DIAPH2: variants seen among roughly 807,000 people sequenced by gnomAD.
DIAPH2 encodes protein diaphanous homolog 2.
A neutral mutation model predicts 92.7 loss-of-function variants in DIAPH2; 35 were observed. That is an observed-to-expected ratio of 0.38 (90% confidence interval 0.29 to 0.50). The LOEUF (loss-of-function observed/expected upper bound fraction) is 0.50. Among genes scored for constraint, DIAPH2 ranks in the 20% least tolerant of loss-of-function variants. DIAPH2 has a pLI of 0.94. For synonymous variants in DIAPH2, 301 were observed against 280.4 expected, an observed-to-expected ratio of 1.07 and a Z score of -0.73; for missense variants, 701 against 819.5, an observed-to-expected ratio of 0.86 and a Z score of 1.77.
intron 25 of DIAPH2, among the ~76,000 whole-genome samples, chrX:97,402,753 GA>G (rs1291451332): frequency 8.6e-4 from 96 of 112,257 alleles, no homozygotes; most frequent in African/African-American, 3.0e-3. Flanking sequence ...GCCTCTAACG[GA>G]AGTGACTTAA....
rs368157648 is a variant in DIAPH2 at position 96,939,810 on chromosome X, G to A, written c.1325+428G>A. Among the ~76,000 whole-genome samples the A allele has an allele frequency of 1.2e-4, 10 of 80,324 alleles. 1 individual carries two copies. Among genetic ancestry groups the A allele is most frequent in the East Asian group, 6.8e-4 (2 of 2,944 alleles). The allele number at this position is 80,324 out of a possible 115,157, so 69.8% of individuals were successfully genotyped here. A position where few individuals can be genotyped will look rare whatever the true frequency, so the allele number is the denominator to read the frequency against. On this transcript the variant is annotated intron_variant, in intron 12 of 26. Transcript: ENST00000324765. ...CTCCCGTGTAGCTGGGACTACAGGC[G>A]CGCGCCACCATGCCCGGCTAATTTT...
chrX:97,031,560 G>A (rs2066374709), intron 17 of DIAPH2, among the ~76,000 whole-genome samples: 1 of 111,420 alleles, frequency 9.0e-6, no homozygotes, highest in African/African-American at 3.3e-5. Flanking sequence ...TTAATTGCAA[G>A]TGCTAGTTGT....
At chrX:96,801,570 G>A (rs189581501) in intron 4 of DIAPH2, among the ~76,000 whole-genome samples, 16 of 111,346 alleles carry the variant, frequency 1.4e-4, no homozygotes, top group African/African-American at 4.2e-4. Context: ...AATGGATTTT[G>A]TATTACTGTC....
chrX:97,081,181 GC>G (rs1307211072), intron 19 of DIAPH2, among the ~76,000 whole-genome samples: 3 of 111,879 alleles, frequency 2.7e-5, no homozygotes, highest in African/African-American at 9.7e-5. Flanking sequence ...ATTATGGCAT[GC>G]TTTTGCAGTC....
chrX:97,247,051 G>T (rs1372185970), intron 22 of DIAPH2, among the ~76,000 whole-genome samples: 3 of 112,021 alleles, frequency 2.7e-5, no homozygotes, highest in Non-Finnish European at 3.8e-5. Context: ...AAAATTATTA[G>T]TTGTCAATGA....
intron 17 of DIAPH2, among the ~76,000 whole-genome samples, chrX:97,044,672 C>A (rs1223660751): frequency 9.0e-6 from 1 of 111,065 alleles, no homozygotes; most frequent in African/African-American, 3.3e-5. Context: ...TCCTTCTCAA[C>A]TGGGGATCAT....
chrX:96,961,839 T>C (rs2065850902), intron 16 of DIAPH2, among the ~76,000 whole-genome samples: 1 of 110,600 alleles, frequency 9.0e-6, no homozygotes, highest in African/African-American at 3.3e-5. Flanking sequence ...CTGAAATCTC[T>C]CTTATTATTG....
chrX:97,226,622 G>A (rs750192630), intron 22 of DIAPH2, among the ~76,000 whole-genome samples: 3 of 111,096 alleles, frequency 2.7e-5, no homozygotes, highest in African/African-American at 6.5e-5. Context: ...TGATCCACCC[G>A]CCTCGGCCTC....
intron 4 of DIAPH2, among the ~76,000 whole-genome samples, chrX:96,862,560 A>G (rs1160450688): frequency 8.9e-6 from 1 of 112,088 alleles, no homozygotes; most frequent in Non-Finnish European, 1.9e-5. Context: ...ACTGACCACT[A>G]TGTACAGAGT....
At chrX:97,077,542 C>A (rs1032170019) in intron 19 of DIAPH2, among the ~76,000 whole-genome samples, 1 of 111,869 alleles carries the variant, frequency 8.9e-6, no homozygotes, top group Non-Finnish European at 1.9e-5. Flanking sequence ...AAACAACAAA[C>A]AACAATTAAG....
intron 25 of DIAPH2, among the ~76,000 whole-genome samples, chrX:97,417,160 A>T (rs2069955556): frequency 8.9e-6 from 1 of 112,351 alleles, no homozygotes; most frequent in South Asian, 3.7e-4. Flanking sequence ...TTTTATGTTC[A>T]TACCCTCACT....
intron 4 of DIAPH2, among the ~76,000 whole-genome samples, chrX:96,806,143 A>T (rs1249710616): frequency 4.5e-5 from 5 of 110,938 alleles, no homozygotes; most frequent in Non-Finnish European, 9.4e-5. Flanking sequence ...GTTTTACAGG[A>T]TGTTTGGTGA....
chrX:97,598,859 G>C (rs1485767974), intron 26 of DIAPH2, among the ~76,000 whole-genome samples: 1 of 112,104 alleles, frequency 8.9e-6, no homozygotes, highest in Non-Finnish European at 1.9e-5. Flanking sequence ...TCTAGAGGTA[G>C]CCAACATACA....
intron 23 of DIAPH2, among the ~76,000 whole-genome samples, chrX:97,269,107 C>G (rs186532624): frequency 1.5e-3 from 167 of 111,399 alleles, no homozygotes; most frequent in Middle Eastern, 9.2e-3. Context: ...CACCCGCATC[C>G]GCCTCCCAGA....
intron 23 of DIAPH2, among the ~76,000 whole-genome samples, chrX:97,301,655 TAAAAG>T (rs969394583): frequency 9.0e-6 from 1 of 111,443 alleles, no homozygotes; most frequent in African/African-American, 3.3e-5. Flanking sequence ...AATGATGAAT[TAAAAG>T]AGAAGGATTC....
At chrX:97,432,553 C>T (rs1486140636) in intron 26 of DIAPH2, among the ~76,000 whole-genome samples, 1 of 111,436 alleles carries the variant, frequency 9.0e-6, no homozygotes, top group Non-Finnish European at 1.9e-5. Flanking sequence ...GTGGCATGAT[C>T]TTGGCTCACT....
intron 17 of DIAPH2, among the ~76,000 whole-genome samples, chrX:96,985,925 G>A (rs1195250332): frequency 9.0e-6 from 1 of 110,795 alleles, no homozygotes; most frequent in Non-Finnish European, 1.9e-5. Flanking sequence ...GCAGGGGCAG[G>A]CATGACAGCA....
At position 97,263,310 on chromosome X, in the gene DIAPH2, C is replaced by G. The variant is rs141161955; in HGVS notation, c.2844+15471C>G. Among the ~76,000 whole-genome samples, 55 of 111,406 alleles carry G rather than the reference C, an allele frequency of 4.9e-4. No individual in the cohort carries two copies. In the East Asian group the frequency reaches 8.5e-3, roughly 17 times the overall value. On this transcript the variant is annotated intron_variant, in intron 23 of 26. Coordinates refer to ENST00000324765, the MANE Select transcript of DIAPH2 (RefSeq NM_006729.5). ...CTGTGCAATAAAACGCTGTGAAACA[C>G]TTTGAACAGTTATTCAGTGAAATCT...
At chrX:97,052,229 G>A (rs1455291858) in intron 17 of DIAPH2, among the ~76,000 whole-genome samples, 9 of 111,309 alleles carry the variant, frequency 8.1e-5, no homozygotes, top group Admixed American at 7.7e-4. Flanking sequence ...ATTGAGCTGT[G>A]CCTTTACAGC....
Sources: allele counts gnomAD v4.1 joint callset (sites outside exome capture counted in the v4.1 genomes callset), GRCh38; gene constraint gnomAD v4.1.1; transcripts MANE v1.5; gene names NCBI Gene and HGNC (gene_info 2026-07-23, HGNC 2026-07-21).